Variants in ADCY8 observed in about 807,000 individuals in gnomAD.
The protein encoded by ADCY8 is adenylate cyclase 8, also known as adenylate cyclase type 8.
Under a neutral mutation model 119.7 loss-of-function variants are expected in ADCY8, and 51 were observed. That is an observed-to-expected ratio of 0.43 (90% CI 0.34 to 0.54). The LOEUF (loss-of-function observed/expected upper bound fraction) is 0.54, where lower values mean the gene tolerates loss of function less well. ADCY8 is among the 20% of genes least tolerant of loss of function. The pLI is 0.03. For synonymous variants in ADCY8, 665 were observed against 651.0 expected (o/e 1.02, Z -0.33); for missense variants, 1,383 against 1,598.8 (o/e 0.87, Z 2.30).
chr8:131,004,773 G>C (rs931244441), intron 1 of ADCY8, among the ~76,000 whole-genome samples: 1 of 152,164 alleles, frequency 6.6e-6, no homozygotes, highest in African/African-American at 2.4e-5. Flanking sequence ...CTAGGGGAGA[G>C]ACTAAAGGGC....
intron 3 of ADCY8, among the ~76,000 whole-genome samples, chr8:130,950,919 C>T (rs1478900778): frequency 2.0e-5 from 3 of 152,098 alleles, no homozygotes; most frequent in South Asian, 2.1e-4. Context: ...AGGATGGTCT[C>T]GATCTCTTGA....
rs72716432 is a variant in ADCY8 at position 131,034,383 on chromosome 8, C to A, written c.960+4991G>T. ...AGTGGTCAGAAATGTGTATTTAAGT[C>A]ACATAGAAAGTCAGCTCCCCTCCTG... On this transcript the variant is annotated intron_variant, in intron 1 of 17. Coordinates refer to ENST00000286355, the MANE Select transcript of ADCY8 (RefSeq NM_001115.3). 6.9e-3 allele frequency among the ~76,000 whole-genome samples: 1,054 copies of A among 152,030 alleles called. 3 individuals are homozygous for A. Among genetic ancestry groups the A allele is most frequent in the Non-Finnish European group, 0.011 (727 of 67,942 alleles).
At chr8:130,924,507 T>C (rs1820404349) in intron 5 of ADCY8, among the ~76,000 whole-genome samples, 2 of 152,300 alleles carry the variant, frequency 1.3e-5, no homozygotes, top group African/African-American at 4.8e-5. Context: ...AGTTGTCTTC[T>C]TGTGCAGGGT....
At chr8:130,991,871 A>T (rs1294606872) in intron 1 of ADCY8, among the ~76,000 whole-genome samples, 1 of 151,976 alleles carries the variant, frequency 6.6e-6, no homozygotes, top group Non-Finnish European at 1.5e-5. Context: ...TTAGCAGTGA[A>T]TGAAAAGATA....
chr8:131,037,097 C>T (rs1329431643), intron 1 of ADCY8, among the ~76,000 whole-genome samples: 1 of 152,132 alleles, frequency 6.6e-6, no homozygotes, highest in East Asian at 1.9e-4. Context: ...ATAGAGGGCG[C>T]CAAAGGACCT....
intron 1 of ADCY8, among the ~76,000 whole-genome samples, chr8:130,994,107 C>T (rs889144635): frequency 1.2e-4 from 18 of 152,290 alleles, no homozygotes; most frequent in African/African-American, 4.3e-4. Context: ...CATTGTTCAG[C>T]CAGAATTGTG....
intron 1 of ADCY8, among the ~76,000 whole-genome samples, chr8:131,004,180 G>A (rs1586648010): frequency 6.6e-6 from 1 of 152,144 alleles, no homozygotes; most frequent in East Asian, 1.9e-4. Context: ...AGGTTTACAC[G>A]AGCAAAGAAC....
At chr8:131,008,947 G>A (rs1264913625) in intron 1 of ADCY8, among the ~76,000 whole-genome samples, 1 of 152,150 alleles carries the variant, frequency 6.6e-6, no homozygotes, top group East Asian at 1.9e-4. Context: ...GTGGAACTTT[G>A]AACTTGAGAG....
chr8:130,963,795 G>A (rs1821680283), intron 2 of ADCY8, among the ~76,000 whole-genome samples: 2 of 152,158 alleles, frequency 1.3e-5, no homozygotes, highest in African/African-American at 4.8e-5. Flanking sequence ...TTAGATAGCT[G>A]AGAACAGAAA....
chr8:130,922,162 C>A (rs1366468456), intron 5 of ADCY8, among the ~76,000 whole-genome samples: 2 of 151,970 alleles, frequency 1.3e-5, no homozygotes, highest in Non-Finnish European at 2.9e-5. Flanking sequence ...GGTCCCTCAG[C>A]CTTGGACTTC....
intron 12 of ADCY8, 63 bp from the exon 13 acceptor site, chr8:130,821,483 T>G: frequency 7.7e-7 from 1 of 1,305,150 alleles, no homozygotes; most frequent in South Asian, 1.2e-5. Flanking sequence ...ATGAGAAAAC[T>G]GAGGTTCAGA....
At chr8:130,846,754 G>T (rs1311365105) in intron 11 of ADCY8, among the ~76,000 whole-genome samples, 5 of 86,400 alleles carry the variant, frequency 5.8e-5, no homozygotes, top group Admixed American at 3.3e-4. Flanking sequence ...CCTACCTTCT[G>T]TCCTTCCTTC....
At chr8:131,035,248 A>C (rs1444583431) in intron 1 of ADCY8, among the ~76,000 whole-genome samples, 1 of 152,156 alleles carries the variant, frequency 6.6e-6, no homozygotes, top group Admixed American at 6.5e-5. Context: ...TTGTAGCCCT[A>C]GTGCTACCTA....
chr8:130,991,003 C>T (rs570562028), intron 1 of ADCY8: 6 of 152,450 alleles, frequency 3.9e-5, no homozygotes, highest in East Asian at 1.9e-4. Flanking sequence ...CTGGTGTTCT[C>T]GGGTCTTCTT....
At position 131,017,083 on chromosome 8, in the gene ADCY8, T is replaced by TG. The variant is rs534363392; in HGVS notation, c.960+22290_960+22291insC. On this transcript the variant is annotated intron_variant, in intron 1 of 17. Coordinates refer to ENST00000286355, the MANE Select transcript of ADCY8 (RefSeq NM_001115.3). ...TTGGAATGTACATGATTTTTTTTTTTTTTTGAGATGGAGTCTCACTTTGTC... is the reference window on the plus strand; with the variant it reads ...TTGGAATGTACATGATTTTTTTTTTTGTTTTGAGATGGAGTCTCACTTTGTC... 3.8e-3 allele frequency among the ~76,000 whole-genome samples: 574 copies of TG among 152,144 alleles called. 1 individual carries two copies. The highest frequency in any genetic ancestry group is 0.013 in the African/African-American group (559 of 41,514).
At chr8:131,005,259 G>C (rs151187993) in intron 1 of ADCY8, among the ~76,000 whole-genome samples, 63 of 152,296 alleles carry the variant, frequency 4.1e-4, no homozygotes, top group African/African-American at 1.5e-3. Context: ...CATTGGAAGC[G>C]CTGTCTACAA....
At chr8:130,878,922 G>A (rs1006345737) in intron 8 of ADCY8, among the ~76,000 whole-genome samples, 1 of 152,160 alleles carries the variant, frequency 6.6e-6, no homozygotes, top group Non-Finnish European at 1.5e-5. Flanking sequence ...CAATTTTGAA[G>A]TATATATTAA....
intron 2 of ADCY8, among the ~76,000 whole-genome samples, chr8:130,980,555 C>T (rs991031667): frequency 2.4e-4 from 36 of 152,104 alleles, no homozygotes; most frequent in African/African-American, 8.7e-4. Context: ...TACTGCATGT[C>T]AGGGAAAATG....
In ADCY8 at chr8:130,921,377, A is replaced by T. The variant is rs1296203003; in HGVS notation, c.1482-11511T>A. Among the ~76,000 whole-genome samples, 4 of 151,754 alleles carry T rather than the reference A, an allele frequency of 2.6e-5. No homozygotes were observed. The East Asian group carries it at 5.8e-4, about 22-fold the overall frequency. ...CTACTATGTATACTTTAAATGCATG[A>T]GCATTTTTCATGCCATTGAATATTA... On this transcript the variant is annotated intron_variant, in intron 5 of 17. Coordinates refer to ENST00000286355, the MANE Select transcript of ADCY8 (RefSeq NM_001115.3).
Sources: gnomAD v4.1 joint callset for allele counts (sites outside exome capture counted in the v4.1 genomes callset) on GRCh38, gnomAD v4.1.1 for gene constraint, MANE v1.5 for transcripts, NCBI Gene and HGNC (gene_info 2026-07-23, HGNC 2026-07-21) for gene names.